The following PELO variants were observed in gnomAD, a reference collection of about 807,000 sequenced individuals.
The protein encoded by PELO is protein pelota homolog.
A neutral mutation model predicts 25.9 loss-of-function variants in PELO; 19 were observed. That is an observed-to-expected ratio of 0.73 (90% CI 0.51 to 1.08). The LOEUF is 1.08. Among genes scored for constraint, PELO ranks in the 50% least tolerant of loss-of-function variants. The pLI, the probability that PELO is intolerant of heterozygous loss-of-function variation, is 0.00. For synonymous variants in PELO, 196 were observed against 192.2 expected (o/e 1.02, Z -0.16); for missense variants, 498 against 491.4 (o/e 1.01, Z -0.13).
At chr5:52,791,320 A>ATT (rs1748234608) in intron 1 of PELO, among the ~76,000 whole-genome samples, 1 of 152,180 alleles carries the variant, frequency 6.6e-6, no homozygotes, top group African/African-American at 2.4e-5. Context: ...CAAGGTGAGA[A>ATT]GAAAAACCAT....
Position 52,801,031 on chromosome 5 carries a change from G to A in PELO, c.637G>A (p.Val213Met). The A allele has an allele frequency of 6.2e-7, 1 of 1,614,140 alleles. No homozygotes were observed. Among genetic ancestry groups the A allele is most frequent in the Non-Finnish European group, 8.5e-7 (1 of 1,179,996 alleles). Residue 213 changes from valine (V) to methionine (M), a missense_variant, in exon 2 of 3, where the codon GTG becomes ATG. By Grantham distance (21) the Val-to-Met change is conservative. Coordinates refer to ENST00000274311, the MANE Select transcript of PELO (RefSeq NM_015946.5). ...CATCCTGGTGGCCAGCCCAGGATTT[G>A]TGAGGGAGCAGTTCTGCGACTACCT... Reference protein sequence around the residue: ...KCILVASPGFVREQFCDYLFQ... With the variant: ...KCILVASPGFMREQFCDYLFQ...
intron 1 of PELO, 71 bp downstream of exon 1, chr5:52,788,485 T>G: frequency 7.9e-7 from 1 of 1,273,694 alleles, no homozygotes; most frequent in Non-Finnish European, 1.0e-6. Context: ...AGGGAGGTCC[T>G]CAGAGCCATG....
rs1346054898 is a variant in PELO at position 52,803,047 on chromosome 5, C to A, written c.*1207C>A. The A allele has an allele frequency of 3.3e-5, 5 of 152,182 alleles. No individual in the cohort carries two copies. Among genetic ancestry groups the A allele is most frequent in the Non-Finnish European group, 7.3e-5 (5 of 68,030 alleles). 9.4% of individuals were successfully genotyped at this position (152,182 alleles called of 1,614,324 possible). ...ATTTAGCAAAATAATTAGGAACGATCTAATAGTGATGATACAGTTTTTAAC... is the reference window on the plus strand; with the variant it reads ...ATTTAGCAAAATAATTAGGAACGATATAATAGTGATGATACAGTTTTTAAC... On this transcript the variant is annotated 3_prime_UTR_variant, in exon 3 of 3. Coordinates refer to ENST00000274311, the MANE Select transcript of PELO (RefSeq NM_015946.5).
chr5:52,788,735 A>C (rs77854623), intron 1 of PELO, among the ~76,000 whole-genome samples: 2 of 152,154 alleles, frequency 1.3e-5, no homozygotes, highest in African/African-American at 4.8e-5. Flanking sequence ...ACTTTGCTGA[A>C]TATTTCCTCC....
At chr5:52,801,353 G>T in intron 2 of PELO, 56 bp from the exon 3 acceptor site, 2 of 1,444,636 alleles carry the variant, frequency 1.4e-6, no homozygotes, top group South Asian at 2.5e-5. Context: ...TTTGTGAGCT[G>T]ATTAATGGGT....
intron 1 of PELO, among the ~76,000 whole-genome samples, chr5:52,789,166 G>C (rs1365282508): frequency 6.6e-6 from 1 of 152,068 alleles, no homozygotes; most frequent in African/African-American, 2.4e-5. Context: ...CATTTTGTAA[G>C]ATTTTCCCAA....
chr5:52,800,578 C>T lies in PELO; in HGVS notation c.184C>T (p.Arg62Cys), dbSNP rs762516997. 6 of 1,613,414 alleles carry T rather than the reference C, an allele frequency of 3.7e-6. No individual in the cohort carries two copies. The highest frequency in any genetic ancestry group is 5.1e-6 in the Non-Finnish European group (6 of 1,179,564). ...GGGCAGCGTGGGCAGCAACCGGGTC[C>T]GCACTACCCTCACTCTCTGCGTGGA... ...STGSVGSNRV[R>C]TTLTLCVEAI... The change falls in exon 2 of 3, where the codon CGC (arginine) becomes TGC (cysteine). Residue 62 changes from arginine to cysteine, a missense_variant. Transcript: ENST00000274311.
Position 52,800,404 on chromosome 5 carries a change from G to C in PELO, c.10G>C (p.Val4Leu). The change falls in exon 2 of 3, where the codon GTG (valine) becomes CTG (leucine). Residue 4 changes from valine to leucine, a missense_variant. Coordinates refer to ENST00000274311, the MANE Select transcript of PELO (RefSeq NM_015946.5). The stretch of plus-strand genomic sequence containing the variant: ...AGCCCCTTCCTTGGCCATGAAGCTC[G>C]TGAGGAAGAACATCGAGAAGGACAA... The part of the protein sequence containing the change: MKL[V>L]RKNIEKDNAG... The C allele has an allele frequency of 6.2e-7, 1 of 1,613,828 alleles. No homozygotes were observed. Among genetic ancestry groups the C allele is most frequent in the East Asian group, 2.2e-5 (1 of 44,884 alleles).
rs755566597 is a variant in PELO at position 52,801,564 on chromosome 5, T to C, written c.882T>C (p.Tyr294=). The part of the protein sequence containing the change: ...MLQHEPDRAF[Y]GLKQVEKANE... ...AGCATGAACCGGATCGAGCTTTCTA[T>C]GGACTCAAGCAGGTGGAGAAGGCCA... is the stretch of plus-strand genomic sequence containing the variant. Residue 294 remains tyrosine (Y), a synonymous_variant, in exon 3 of 3, where the codon TAT becomes TAC. Transcript: ENST00000274311. 1.9e-6 allele frequency: 3 copies of C among 1,614,132 alleles called. No individual in the cohort carries two copies. The highest frequency in any genetic ancestry group is 2.2e-5 in the East Asian group (1 of 44,878).
Position 52,802,773 on chromosome 5 carries a change from G to A in PELO, c.*933G>A, listed in dbSNP as rs1224669681. On this transcript the variant is annotated 3_prime_UTR_variant, in exon 3 of 3. Transcript: ENST00000274311. ...TAATTTGGGTTTGCACATTTTTATT[G>A]GACTATTTTAGTTGTGAAGAAGCCT... 2 of 151,884 alleles carry A rather than the reference G, an allele frequency of 1.3e-5. No homozygotes were observed. Among genetic ancestry groups the A allele is most frequent in the Admixed American group, 1.3e-4 (2 of 15,252 alleles). The allele number at this position is 151,884 out of a possible 1,614,324, so 9.4% of individuals were successfully genotyped here. A position where few individuals can be genotyped will look rare whatever the true frequency, so the allele number is the denominator to read the frequency against.
In PELO at chr5:52,788,158, C is replaced by T; in HGVS notation, c.-767C>T. 2.2e-6 allele frequency: 1 copy of T among 455,760 alleles called. No homozygotes were observed. The highest frequency in any genetic ancestry group is 3.7e-5 in the South Asian group (1 of 27,340). 28.2% of individuals were successfully genotyped at this position (455,760 alleles called of 1,614,324 possible). A position where few individuals can be genotyped will look rare whatever the true frequency, so the allele number is the denominator to read the frequency against. ...GGCAATCCGTCTGGGATGTGAAAAG[C>T]GTGGAGCGCATTTAGAGGAATTCGA... On this transcript the variant is annotated 5_prime_UTR_variant, in exon 1 of 3. Transcript: ENST00000274311.
Position 52,788,310 on chromosome 5 carries a change from C to A in PELO, c.-615C>A. On this transcript the variant is annotated 5_prime_UTR_variant, in exon 1 of 3. Transcript: ENST00000274311. ...GCGCAGCTCCCGCGCCCGGTCCTGCCCTGCGAACCAGCGCGGCCCCCTGGC... is the reference window on the plus strand; with the variant it reads ...GCGCAGCTCCCGCGCCCGGTCCTGCACTGCGAACCAGCGCGGCCCCCTGGC... The A allele has an allele frequency of 6.8e-7, 1 of 1,464,256 alleles. No individual in the cohort carries two copies. The highest frequency in any genetic ancestry group is 1.3e-5 in the South Asian group (1 of 77,498). The allele number at this position is 1,464,256 out of a possible 1,614,324, so 90.7% of individuals were successfully genotyped here.
At chr5:52,792,688 G>A (rs1748265127) in intron 1 of PELO, among the ~76,000 whole-genome samples, 1 of 152,060 alleles carries the variant, frequency 6.6e-6, no homozygotes, top group Admixed American at 6.6e-5. Flanking sequence ...GAATAAAGTA[G>A]CTCATGTTTA....
At chr5:52,794,066 C>G (rs1748292574) in intron 1 of PELO, among the ~76,000 whole-genome samples, 1 of 151,854 alleles carries the variant, frequency 6.6e-6, no homozygotes, top group Non-Finnish European at 1.5e-5. Flanking sequence ...TAGGAATTCA[C>G]TTTATGTGTT....
At position 52,801,561 on chromosome 5, in the gene PELO, C is replaced by T; in HGVS notation, c.879C>T (p.Phe293=). 2.5e-6 allele frequency: 4 copies of T among 1,614,128 alleles called. No individual in the cohort carries two copies. The highest frequency in any genetic ancestry group is 1.6e-4 in the Middle Eastern group (1 of 6,062). Reference sequence around the variant, plus strand: ...TACAGCATGAACCGGATCGAGCTTTCTATGGACTCAAGCAGGTGGAGAAGG... The same window carrying T: ...TACAGCATGAACCGGATCGAGCTTTTTATGGACTCAAGCAGGTGGAGAAGG... The part of the protein sequence containing the change: ...KMLQHEPDRA[F]YGLKQVEKAN... The change falls in exon 3 of 3, where the codon TTC becomes TTT. Residue 293 remains phenylalanine (F), a synonymous_variant. Coordinates refer to ENST00000274311, the MANE Select transcript of PELO (RefSeq NM_015946.5).
intron 1 of PELO, among the ~76,000 whole-genome samples, chr5:52,797,460 GA>G (rs1748366975): frequency 1.3e-5 from 2 of 150,190 alleles, no homozygotes; most frequent in Non-Finnish European, 3.0e-5. Context: ...AGGCTGGACA[GA>G]AGGAAAAAAA....
At chr5:52,792,417 TTTTG>T (rs1362905319) in intron 1 of PELO, among the ~76,000 whole-genome samples, 1 of 152,208 alleles carries the variant, frequency 6.6e-6, no homozygotes, top group African/African-American at 2.4e-5. Flanking sequence ...TTCACGGGAT[TTTTG>T]TTTGTTTAGT....
chr5:52,801,090 GCTC>G lies in PELO; in HGVS notation c.699_701del (p.Leu234del). ...AAGCAGTGAAGACCGACAACAAACT[GCTC>G]CTGGAAAACCGGTCCAAATTTCTTC... On this transcript the variant is annotated inframe_deletion, in exon 2 of 3. Coordinates refer to ENST00000274311, the MANE Select transcript of PELO (RefSeq NM_015946.5). The G allele has an allele frequency of 1.2e-6, 2 of 1,608,186 alleles. No individual in the cohort carries two copies. Among genetic ancestry groups the G allele is most frequent in the Non-Finnish European group, 1.7e-6 (2 of 1,176,580 alleles).
At chr5:52,797,656 A>G (rs1339534280) in intron 1 of PELO, among the ~76,000 whole-genome samples, 1 of 152,146 alleles carries the variant, frequency 6.6e-6, no homozygotes, top group Non-Finnish European at 1.5e-5. Context: ...GAAGGAGATG[A>G]TTACAAACAT....
Sources: gnomAD v4.1 joint callset for allele counts (sites outside exome capture counted in the v4.1 genomes callset) on GRCh38, gnomAD v4.1.1 for gene constraint, MANE v1.5 for transcripts, NCBI Gene and HGNC (gene_info 2026-07-23, HGNC 2026-07-21) for gene names.